The following APOBEC3G variants were observed in gnomAD, a reference collection of about 807,000 sequenced individuals.
APOBEC3G encodes apolipoprotein B mRNA editing enzyme catalytic subunit 3G.
APOBEC3G carries 44 observed loss-of-function variants against 50.0 expected under a neutral mutation model. The observed-to-expected ratio is 0.88, with a 90% CI of 0.69 to 1.13. The LOEUF is 1.13. Ranked by LOEUF, APOBEC3G falls within the 50% of genes most tolerant of loss-of-function variation. The pLI, the probability that APOBEC3G is intolerant of heterozygous loss-of-function variation, is 0.00. For synonymous variants in APOBEC3G, 156 were observed against 175.3 expected (o/e 0.89, Z 0.87); for missense variants, 469 against 492.0 (o/e 0.95, Z 0.44).
At chr22:39,081,814 C>T (rs370356857) in intron 4 of APOBEC3G, 4 of 487,352 alleles carry the variant, frequency 8.2e-6, no homozygotes, top group Non-Finnish European at 1.1e-5. Flanking sequence ...AGTGAGAGGC[C>T]CCTTCTGCCT....
intron 1 of APOBEC3G, among the ~76,000 whole-genome samples, chr22:39,078,040 G>A (rs1178594626): frequency 2.0e-5 from 3 of 152,146 alleles, no homozygotes; most frequent in South Asian, 2.1e-4. Context: ...TGGGCGGATC[G>A]CCTGCGGTCA....
rs951640492 is a variant in APOBEC3G at position 39,086,338 on chromosome 22, G to A, written c.795G>A (p.Val265=). ...ATGCAGAGCTGTGCTTCCTGGACGT[G>A]ATTCCCTTTTGGAAGCTGGACCTGG... The part of the protein sequence containing the change: ...GRHAELCFLD[V]IPFWKLDLDQ... The change falls in exon 6 of 8, where the codon GTG becomes GTA. Residue 265 remains valine (V), a synonymous_variant. Coordinates refer to ENST00000407997, the MANE Select transcript of APOBEC3G (RefSeq NM_021822.4). 3.1e-6 allele frequency: 5 copies of A among 1,613,712 alleles called. No homozygotes were observed. Among genetic ancestry groups the A allele is most frequent in the East Asian group, 2.2e-5 (1 of 44,874 alleles).
upstream of APOBEC3G, chr22:39,077,165 G>A (rs1928186965): frequency 2.6e-6 from 2 of 761,172 alleles, no homozygotes; most frequent in Non-Finnish European, 4.2e-6. Flanking sequence ...AAACCAGAAA[G>A]AGGGTGAGAG....
chr22:39,086,182 T>C, intron 5 of APOBEC3G, 97 bp from the exon 6 acceptor site: 2 of 1,376,996 alleles, frequency 1.5e-6, no homozygotes, highest in South Asian at 1.5e-5. Context: ...TGCATGCCTG[T>C]AATCCTAGCT....
At chr22:39,080,570 A>C (rs1569083343) in intron 2 of APOBEC3G, 1 of 247,300 alleles carries the variant, frequency 4.0e-6, no homozygotes, top group Admixed American at 5.0e-5. Context: ...CTGCTCCGTG[A>C]CATGGGGGCA....
rs1928754316 is a variant in APOBEC3G, at chr22:39,087,558, C to A, written c.*137C>A. 2 of 1,500,048 alleles carry A rather than the reference C, an allele frequency of 1.3e-6. No individual in the cohort carries two copies. The highest frequency in any genetic ancestry group is 2.0e-5 in the Admixed American group (1 of 49,544). 92.9% of individuals were successfully genotyped at this position (1,500,048 alleles called of 1,614,324 possible). A position where few individuals can be genotyped will look rare whatever the true frequency, so the allele number is the denominator to read the frequency against. Reference sequence around the variant, plus strand: ...CAGACACCAGCAAAGCAATGCACTCCTGACCAAGTAGATTCTTTTAAAAAT... The same window carrying A: ...CAGACACCAGCAAAGCAATGCACTCATGACCAAGTAGATTCTTTTAAAAAT... On this transcript the variant is annotated 3_prime_UTR_variant, in exon 8 of 8. Coordinates refer to ENST00000407997, the MANE Select transcript of APOBEC3G (RefSeq NM_021822.4).
chr22:39,081,409 G>A, intron 3 of APOBEC3G, 62 bp from the exon 4 acceptor site: 1 of 1,560,044 alleles, frequency 6.4e-7, no homozygotes, highest in Non-Finnish European at 8.8e-7. Flanking sequence ...GGAGGGGAGG[G>A]TCCCGAGGTC....
At chr22:39,085,609 A>G (rs780754671) in intron 5 of APOBEC3G, among the ~76,000 whole-genome samples, 17 of 152,300 alleles carry the variant, frequency 1.1e-4, no homozygotes, top group Non-Finnish European at 2.4e-4. Flanking sequence ...AAATCCGGTC[A>G]GGTGTGGTGG....
At chr22:39,077,217 C>A, upstream of APOBEC3G, 5 of 1,422,708 alleles carry the variant, frequency 3.5e-6, no homozygotes, top group Non-Finnish European at 4.8e-6. Context: ...TACACCAGCG[C>A]CTGAGCAGGA....
At chr22:39,077,253 C>T (rs1404085347), upstream of APOBEC3G, 3 of 1,545,388 alleles carry the variant, frequency 1.9e-6, no homozygotes, top group East Asian at 4.9e-5. Flanking sequence ...GACTACGAGG[C>T]CCTGGGAGGT....
In APOBEC3G at chr22:39,083,923, C is replaced by G. The variant is rs747330904; in HGVS notation, c.735+39C>G. 11 of 1,601,078 alleles carry G rather than the reference C, an allele frequency of 6.9e-6. No homozygotes were observed. The South Asian group carries it at 1.2e-4, about 18-fold the overall frequency. ...CCACCCGCATCCAGGCAGGGCCCTC[C>G]CAACCCAGGGACACCCATGGGCAGA... On this transcript the variant is annotated intron_variant, in intron 5 of 7. Coordinates refer to ENST00000407997, the MANE Select transcript of APOBEC3G (RefSeq NM_021822.4).
chr22:39,081,798 C>T (rs994369867), intron 4 of APOBEC3G: 1 of 513,460 alleles, frequency 1.9e-6, no homozygotes, highest in African/African-American at 1.9e-5. Context: ...CTGGGCCCTT[C>T]CTGTGAGTGA....
intron 2 of APOBEC3G, 42 bp from the exon 3 acceptor site, chr22:39,080,891 C>G: frequency 5.3e-6 from 8 of 1,514,966 alleles, no homozygotes; most frequent in Non-Finnish European, 6.3e-6. Flanking sequence ...TCTCCTCCTG[C>G]TCCCCCTCTC....
Position 39,087,417 on chromosome 22 carries a change from A to T in APOBEC3G, c.1151A>T (p.Asn384Ile), listed in dbSNP as rs1484214482. 6.2e-7 allele frequency: 1 copy of T among 1,613,876 alleles called. No individual in the cohort carries two copies. Among genetic ancestry groups the T allele is most frequent in the South Asian group, 1.1e-5 (1 of 91,052 alleles). Residue 384 changes from asparagine (N) to isoleucine (I), a missense_variant, in exon 8 of 8, where the codon AAC (asparagine) becomes ATC (isoleucine). Coordinates refer to ENST00000407997, the MANE Select transcript of APOBEC3G (RefSeq NM_021822.4). ...TCCCTGCTCTTCCAGAATCAGGAAA[A>T]CTGAAGGATGGGCCTCAGTCTCTAA... ...RLRAILQNQEN is the reference protein window; with the variant it reads ...RLRAILQNQEI
chr22:39,081,356 T>C, intron 3 of APOBEC3G, 115 bp from the exon 4 acceptor site: 1 of 1,536,918 alleles, frequency 6.5e-7, no homozygotes, highest in Non-Finnish European at 8.8e-7. Context: ...GCCTGTGGGG[T>C]TGGGTCTGGC....
Position 39,087,480 on chromosome 22 carries a change from ATCT to A in APOBEC3G, c.*65_*67del. ...CCTGGGTTGAGCCTCAGAATAAAAG[ATCT>A]TCTTCCAAGAAATGCAAACAGGCTG... On this transcript the variant is annotated 3_prime_UTR_variant, in exon 8 of 8. Transcript: ENST00000407997. The A allele has an allele frequency of 1.2e-6, 2 of 1,613,662 alleles. No individual in the cohort carries two copies.
chr22:39,081,710 C>T (rs977126350), intron 4 of APOBEC3G, 125 bp downstream of exon 4: 3 of 727,656 alleles, frequency 4.1e-6, no homozygotes, highest in Non-Finnish European at 4.6e-6. Context: ...CCTCCTGCCC[C>T]CTGCCTGCCC....
intron 2 of APOBEC3G, chr22:39,080,560 C>G (rs189031996): frequency 4.6e-5 from 11 of 240,046 alleles, no homozygotes; most frequent in South Asian, 2.0e-4. Context: ...CGAGTCACTG[C>G]TGCTCCGTGA....
chr22:39,086,423 G>A lies in APOBEC3G; in HGVS notation c.880G>A (p.Glu294Lys), dbSNP rs1300478809. Reference protein sequence around the residue: ...SWSPCFSCAQEMAKFISKNKH... With the variant: ...SWSPCFSCAQKMAKFISKNKH... The stretch of plus-strand genomic sequence containing the variant: ...GAGCCCCTGCTTCAGCTGTGCCCAG[G>A]AAATGGCTAAATTCATTTCAAAAAA... Residue 294 changes from glutamate (E) to lysine (K), a missense_variant, in exon 6 of 8, where the codon GAA becomes AAA. Transcript: ENST00000407997. 6.2e-7 allele frequency: 1 copy of A among 1,614,138 alleles called. No homozygotes were observed. Among genetic ancestry groups the A allele is most frequent in the Admixed American group, 1.7e-5 (1 of 60,000 alleles).
Sources: allele counts gnomAD v4.1 joint callset (sites outside exome capture counted in the v4.1 genomes callset), GRCh38; gene constraint gnomAD v4.1.1; transcripts MANE v1.5; gene names NCBI Gene and HGNC (gene_info 2026-07-23, HGNC 2026-07-21).